The following EXOC1 variants were observed in gnomAD, a reference collection of about 807,000 sequenced individuals.
EXOC1 encodes the protein SEC3-like 1.
In EXOC1, 67 loss-of-function variants were observed where a neutral mutation model predicts 107.7. The observed-to-expected ratio is 0.62, with a 90% confidence interval of 0.51 to 0.76. The LOEUF is 0.76. Ranked by LOEUF, EXOC1 falls within the 30% of genes least tolerant of loss-of-function variation. The probability of loss-of-function intolerance (pLI) is 0.00; values close to 1 mark genes in which losing one functional copy is unlikely to be tolerated. For missense variants in EXOC1, 833 were observed against 1,055.7 expected (o/e 0.79, Z 2.92); for synonymous variants, 348 against 353.5 (o/e 0.98, Z 0.17).
At chr4:55,856,714 AAAAAT>A (rs1356271699) in intron 1 of EXOC1, among the ~76,000 whole-genome samples, 2 of 152,226 alleles carry the variant, frequency 1.3e-5, no homozygotes, top group African/African-American at 2.4e-5. Context: ...TATGTATATG[AAAAAT>A]AAAATAGAGA....
chr4:55,892,606 T>C, intron 13 of EXOC1, 29 bp from the exon 14 acceptor site: 1 of 1,605,028 alleles, frequency 6.2e-7, no homozygotes, highest in Non-Finnish European at 8.5e-7. Context: ...GGTCTTTTAT[T>C]ATGTAAAGTG....
In EXOC1 at chr4:55,863,471, C is replaced by T. The variant is rs975870413; in HGVS notation, c.256-756C>T. The stretch of plus-strand genomic sequence containing the variant: ...CTACAAGAACATTTTAAAAATTAGG[C>T]ATGCTGGTATGTGTCCGTGTCCCCA... On this transcript the variant is annotated intron_variant, in intron 3 of 18. Transcript: ENST00000381295. Among the ~76,000 whole-genome samples, 36 of 152,104 alleles carry T rather than the reference C, an allele frequency of 2.4e-4. 1 individual carries two copies. Among genetic ancestry groups the T allele is most frequent in the African/African-American group, 8.7e-4 (36 of 41,500 alleles).
intron 9 of EXOC1, among the ~76,000 whole-genome samples, chr4:55,880,278 A>G (rs1577727208): frequency 1.3e-5 from 2 of 151,872 alleles, no homozygotes; most frequent in East Asian, 3.8e-4. Flanking sequence ...AATAAATAAT[A>G]TTTTTAAATT....
chr4:55,884,058 G>T, intron 10 of EXOC1, 130 bp downstream of exon 10: 1 of 647,316 alleles, frequency 1.5e-6, no homozygotes, highest in South Asian at 2.1e-5. Flanking sequence ...GGTCTAAAAC[G>T]TTGGCTTGAT....
chr4:55,887,724 T>C (rs1473353230), intron 10 of EXOC1, among the ~76,000 whole-genome samples: 8 of 139,508 alleles, frequency 5.7e-5, no homozygotes, highest in African/African-American at 1.9e-4. Flanking sequence ...AGATCCTGCC[T>C]CAAAAAAAAA....
chr4:55,858,243 T>A (rs1721172867), intron 1 of EXOC1, 71 bp from the exon 2 acceptor site: 10 of 1,397,450 alleles, frequency 7.2e-6, no homozygotes, highest in African/African-American at 1.5e-5. Flanking sequence ...TATTTTCAAA[T>A]CATAAATTCA....
At chr4:55,877,259 TAC>T (rs1467597972) in intron 8 of EXOC1, 302 of 985,398 alleles carry the variant, frequency 3.1e-4, no homozygotes, top group Non-Finnish European at 3.4e-4. Context: ...GTAATTTTAA[TAC>T]AGTTTTCACA....
intron 5 of EXOC1, among the ~76,000 whole-genome samples, chr4:55,869,439 G>A (rs1440958478): frequency 6.6e-6 from 1 of 152,056 alleles, no homozygotes; most frequent in African/African-American, 2.4e-5. Flanking sequence ...AAATCATTTG[G>A]GTTTGTTCTG....
intron 3 of EXOC1, among the ~76,000 whole-genome samples, chr4:55,863,421 T>C (rs1721661831): frequency 6.6e-6 from 1 of 152,106 alleles, no homozygotes; most frequent in Non-Finnish European, 1.5e-5. Context: ...GAGGATCAAC[T>C]GGATAACATG....
intron 8 of EXOC1, among the ~76,000 whole-genome samples, chr4:55,874,313 T>G (rs1296120151): frequency 1.3e-5 from 2 of 152,110 alleles, no homozygotes; most frequent in Middle Eastern, 3.2e-3. Context: ...TTAAAAGAAA[T>G]AAAATTCGGA....
At chr4:55,885,228 A>T (rs189425650) in intron 10 of EXOC1, among the ~76,000 whole-genome samples, 2 of 152,302 alleles carry the variant, frequency 1.3e-5, no homozygotes, top group African/African-American at 4.8e-5. Flanking sequence ...GAACTCCTTC[A>T]GTATATGAAA....
Position 55,876,874 on chromosome 4 carries a change from A to G in EXOC1, c.1075-1043A>G, listed in dbSNP as rs186520398. 8.5e-4 allele frequency: 839 copies of G among 985,358 alleles called. 8 individuals are homozygous for G. The African/African-American group carries it at 0.014, about 16-fold the overall frequency. 61.0% of individuals were successfully genotyped at this position (985,358 alleles called of 1,614,324 possible). A position where few individuals can be genotyped will look rare whatever the true frequency, so the allele number is the denominator to read the frequency against. On this transcript the variant is annotated intron_variant, in intron 8 of 18. Transcript: ENST00000381295. Reference sequence around the variant, plus strand: ...TCTCACATGAAGAAAATTTTCCAACAGACTGATTTGAAAACATTTATGAAG... The same window carrying G: ...TCTCACATGAAGAAAATTTTCCAACGGACTGATTTGAAAACATTTATGAAG...
chr4:55,892,137 T>G (rs1577758776), intron 13 of EXOC1, among the ~76,000 whole-genome samples: 1 of 152,142 alleles, frequency 6.6e-6, no homozygotes, highest in African/African-American at 2.4e-5. Context: ...TGATAAATGG[T>G]TTAGAGTGTT....
At position 55,896,888 on chromosome 4, in the gene EXOC1, G is replaced by A. The variant is rs748398529; in HGVS notation, c.2125G>A (p.Val709Ile). 2 of 1,589,980 alleles carry A rather than the reference G, an allele frequency of 1.3e-6. No homozygotes were observed. The highest frequency in any genetic ancestry group is 1.9e-5 in the Admixed American group (1 of 53,270). The change falls in exon 16 of 19, where the codon GTA becomes ATA. Residue 709 changes from valine to isoleucine, a missense_variant. Transcript: ENST00000381295. ...DKAYTKLIRGVFVNVEKVANE... is the reference protein window; with the variant it reads ...DKAYTKLIRGIFVNVEKVANE... ...AGCATACACCAAACTTATCAGAGGAGTATTTGTTAATGGTAAGCTTTTGTT... is the reference window on the plus strand; with the variant it reads ...AGCATACACCAAACTTATCAGAGGAATATTTGTTAATGGTAAGCTTTTGTT...
chr4:55,876,951 C>T (rs1465118865), intron 8 of EXOC1: 1 of 985,194 alleles, frequency 1.0e-6, no homozygotes, highest in Non-Finnish European at 1.2e-6. Context: ...TCTTATACTC[C>T]CATCTTTCTT....
At chr4:55,874,297 G>C (rs1405077047) in intron 8 of EXOC1, among the ~76,000 whole-genome samples, 1 of 152,004 alleles carries the variant, frequency 6.6e-6, no homozygotes, top group Non-Finnish European at 1.5e-5. Flanking sequence ...TCACAAATTA[G>C]TAAAATTAAA....
intron 3 of EXOC1, 138 bp downstream of exon 3, chr4:55,860,679 A>C (rs1293925594): frequency 1.0e-6 from 1 of 982,198 alleles, no homozygotes; most frequent in African/African-American, 1.6e-5. Context: ...TTTTTAAGCT[A>C]TAATTATGTT....
chr4:55,884,211 T>C (rs913631000), intron 10 of EXOC1, among the ~76,000 whole-genome samples: 32 of 152,170 alleles, frequency 2.1e-4, no homozygotes, highest in African/African-American at 7.7e-4. Flanking sequence ...GGTGAGAAAA[T>C]GAAGTGCAGT....
intron 4 of EXOC1, among the ~76,000 whole-genome samples, chr4:55,866,165 A>C (rs887170479): frequency 5.9e-5 from 9 of 152,184 alleles, no homozygotes; most frequent in African/African-American, 2.2e-4. Flanking sequence ...ATAATTAAGT[A>C]AGACTATTTT....
Sources: allele counts gnomAD v4.1 joint callset (sites outside exome capture counted in the v4.1 genomes callset), GRCh38; gene constraint gnomAD v4.1.1; transcripts MANE v1.5; gene names NCBI Gene and HGNC (gene_info 2026-07-23, HGNC 2026-07-21).